KIF6: variants seen among roughly 807,000 people sequenced by gnomAD.
KIF6 encodes the protein kinesin family member 6.
KIF6 carries 106 observed loss-of-function variants against 112.7 expected under a neutral mutation model. The ratio of observed to expected loss-of-function variants is 0.94; its 90% CI spans 0.80 to 1.11. The LOEUF is 1.11. Among genes scored for constraint, KIF6 ranks in the 50% least tolerant of loss-of-function variants. The pLI, the probability that KIF6 is intolerant of heterozygous loss-of-function variation, is 0.00. For missense variants in KIF6, 929 were observed against 964.0 expected, an observed-to-expected ratio of 0.96 and a Z score of 0.48; for synonymous variants, 339 against 339.9, an observed-to-expected ratio of 1.00 and a Z score of 0.03.
intron 13 of KIF6, among the ~76,000 whole-genome samples, chr6:39,458,650 A>G (rs1232478189): frequency 7.3e-6 from 1 of 137,796 alleles, no homozygotes; most frequent in African/African-American, 2.8e-5. Flanking sequence ...AATCTCCTTA[A>G]GGTGATAAGC....
intron 15 of KIF6, among the ~76,000 whole-genome samples, chr6:39,387,182 T>C (rs1767499949): frequency 6.6e-6 from 1 of 152,126 alleles, no homozygotes; most frequent in Non-Finnish European, 1.5e-5. Flanking sequence ...CATTAAGTTA[T>C]ATGTAAGGAA....
chr6:39,441,031 C>T (rs1339233576), intron 13 of KIF6, among the ~76,000 whole-genome samples: 1 of 152,136 alleles, frequency 6.6e-6, no homozygotes, highest in Non-Finnish European at 1.5e-5. Flanking sequence ...TTAGATGGAA[C>T]AGTGGAGATA....
At chr6:39,508,476 A>G (rs1211274613) in intron 13 of KIF6, among the ~76,000 whole-genome samples, 2 of 152,130 alleles carry the variant, frequency 1.3e-5, no homozygotes, top group Non-Finnish European at 2.9e-5. Context: ...GCTGTGAGTG[A>G]CTGTATTTGG....
At chr6:39,700,469 T>G (rs1479776262) in intron 3 of KIF6, among the ~76,000 whole-genome samples, 1 of 152,232 alleles carries the variant, frequency 6.6e-6, no homozygotes, top group Non-Finnish European at 1.5e-5. Context: ...TCATGGAAGT[T>G]TGAATTTTGT....
In KIF6 at chr6:39,720,819, T is replaced by C; in HGVS notation, c.67-8A>G. ...TTCATCTATGGAATAAATCTGCAAA[T>C]GTGAAGACAACAAATGGATATAAAA... On this transcript the variant is annotated splice_region_variant and splice_polypyrimidine_tract_variant and intron_variant, in intron 1 of 22. Transcript: ENST00000287152. 8.2e-7 allele frequency: 1 copy of C among 1,223,302 alleles called. No individual in the cohort carries two copies. Among genetic ancestry groups the C allele is most frequent in the East Asian group, 2.3e-5 (1 of 43,146 alleles). 75.8% of individuals were successfully genotyped at this position (1,223,302 alleles called of 1,614,324 possible).
chr6:39,360,321 G>C, intron 18 of KIF6, 74 bp downstream of exon 18: 1 of 1,558,188 alleles, frequency 6.4e-7, no homozygotes, highest in Non-Finnish European at 8.7e-7. Context: ...AGCCCCCACT[G>C]TGTCTCTTGA....
chr6:39,431,239 A>T (rs897972129), intron 13 of KIF6, 78 bp from the exon 14 acceptor site: 108 of 831,814 alleles, frequency 1.3e-4, no homozygotes, highest in Middle Eastern at 4.4e-4. Context: ...CAGTCAGACC[A>T]CAAAACCAGC....
At chr6:39,424,534 G>A (rs141702776) in intron 14 of KIF6, among the ~76,000 whole-genome samples, 107 of 152,340 alleles carry the variant, frequency 7.0e-4, no homozygotes, top group African/African-American at 2.2e-3. Context: ...GTGAGCAAGT[G>A]TGTGTGCCAA....
rs144361483 is a variant in KIF6, at chr6:39,486,493, C to T, written c.1645+53510G>A. 2.3e-3 allele frequency among the ~76,000 whole-genome samples: 348 copies of T among 152,318 alleles called. 1 individual carries two copies. The highest frequency in any genetic ancestry group is 7.7e-3 in the African/African-American group (319 of 41,568). On this transcript the variant is annotated intron_variant, in intron 13 of 22. Coordinates refer to ENST00000287152, the MANE Select transcript of KIF6 (RefSeq NM_145027.6). ...CACCAAGCTGACCTCTATCTAAATTCCCAATACACAAAATCATGAGCTATA... is the reference window on the plus strand; with the variant it reads ...CACCAAGCTGACCTCTATCTAAATTTCCAATACACAAAATCATGAGCTATA...
At chr6:39,393,651 T>C (rs1768048991) in intron 15 of KIF6, among the ~76,000 whole-genome samples, 2 of 152,166 alleles carry the variant, frequency 1.3e-5, no homozygotes, top group African/African-American at 4.8e-5. Flanking sequence ...AACCAACATT[T>C]TAGGCAATAA....
intron 10 of KIF6, among the ~76,000 whole-genome samples, chr6:39,564,297 G>A (rs1328992271): frequency 4.6e-5 from 7 of 152,320 alleles, no homozygotes; most frequent in East Asian, 1.9e-4. Context: ...GGCAAAAGTC[G>A]TAAGTATGCT....
chr6:39,518,503 A>G (rs1460604554), intron 13 of KIF6, among the ~76,000 whole-genome samples: 3 of 152,232 alleles, frequency 2.0e-5, no homozygotes, highest in Non-Finnish European at 2.9e-5. Context: ...TTTTACTTTA[A>G]TATGAGGAAA....
chr6:39,399,159 C>G (rs1768499833), intron 15 of KIF6, among the ~76,000 whole-genome samples: 1 of 152,082 alleles, frequency 6.6e-6, no homozygotes, highest in Non-Finnish European at 1.5e-5. Context: ...CAAAATAAAT[C>G]TCTCTCTCTC....
chr6:39,693,538 T>A (rs1236615921), intron 3 of KIF6, among the ~76,000 whole-genome samples: 1 of 151,876 alleles, frequency 6.6e-6, no homozygotes, highest in Non-Finnish European at 1.5e-5. Context: ...ACTATGAACA[T>A]CTCTATGCAC....
intron 13 of KIF6, among the ~76,000 whole-genome samples, chr6:39,454,189 G>A (rs758744535): frequency 5.9e-5 from 9 of 151,984 alleles, no homozygotes; most frequent in Non-Finnish European, 1.0e-4. Context: ...TTAAGCTTCA[G>A]ACACTTTTTG....
At chr6:39,451,675 G>T (rs1581886686) in intron 13 of KIF6, among the ~76,000 whole-genome samples, 1 of 152,136 alleles carries the variant, frequency 6.6e-6, no homozygotes, top group Non-Finnish European at 1.5e-5. Flanking sequence ...GAATGTTAAG[G>T]TTCTTACATC....
At chr6:39,372,731 C>A (rs1225589091) in intron 16 of KIF6, among the ~76,000 whole-genome samples, 1 of 152,198 alleles carries the variant, frequency 6.6e-6, no homozygotes, top group Non-Finnish European at 1.5e-5. Context: ...GCATCCTTCA[C>A]AATTCACTCT....
At chr6:39,523,580 T>G (rs1308511708) in intron 13 of KIF6, among the ~76,000 whole-genome samples, 1 of 144,442 alleles carries the variant, frequency 6.9e-6, no homozygotes, top group African/African-American at 2.6e-5. Flanking sequence ...CCTCTGCACA[T>G]TTGCTTGAGA....
At position 39,613,320 on chromosome 6, in the gene KIF6, TA is replaced by T; in HGVS notation, c.510-3del. ...GGATCCTCCAGTATTGTCACTTTCC[TA>T]AGCAAATGGGAAGCAAGAAAACAAG... is the stretch of plus-strand genomic sequence containing the variant. On this transcript the variant is annotated splice_polypyrimidine_tract_variant and splice_region_variant and intron_variant, in intron 5 of 22. Coordinates refer to ENST00000287152, the MANE Select transcript of KIF6 (RefSeq NM_145027.6). The T allele has an allele frequency of 6.4e-7, 1 of 1,572,616 alleles. No homozygotes were observed. The highest frequency in any genetic ancestry group is 2.3e-5 in the East Asian group (1 of 42,966).
Sources: allele counts gnomAD v4.1 joint callset (sites outside exome capture counted in the v4.1 genomes callset), GRCh38; gene constraint gnomAD v4.1.1; transcripts MANE v1.5; gene names NCBI Gene and HGNC (gene_info 2026-07-23, HGNC 2026-07-21).